Variants in SLC13A1 observed in about 807,000 individuals in gnomAD.
The protein encoded by SLC13A1 is Na(+)/sulfate cotransporter.
In SLC13A1, 65 loss-of-function variants were observed where a neutral mutation model predicts 70.0. That is an observed-to-expected ratio of 0.93 (90% CI 0.76 to 1.14). SLC13A1 has a LOEUF of 1.14. SLC13A1 is among the 50% of genes most tolerant of loss of function. The probability of loss-of-function intolerance (pLI) is 0.00; values close to 1 mark genes in which losing one functional copy is unlikely to be tolerated. For missense variants in SLC13A1, 726 were observed against 717.8 expected, an observed-to-expected ratio of 1.01 and a Z score of -0.13; for synonymous variants, 275 against 250.5, an observed-to-expected ratio of 1.10 and a Z score of -0.92.
At chr7:123,196,117 T>C (rs1341451976) in intron 1 of SLC13A1, among the ~76,000 whole-genome samples, 5 of 152,108 alleles carry the variant, frequency 3.3e-5, no homozygotes, top group African/African-American at 1.2e-4. Context: ...TATGTCAGTA[T>C]ATACTAGGCC....
chr7:123,193,758 A>G (rs924307748), intron 1 of SLC13A1, among the ~76,000 whole-genome samples: 4 of 152,130 alleles, frequency 2.6e-5, no homozygotes, highest in Non-Finnish European at 5.9e-5. Flanking sequence ...ACTATTTCTA[A>G]TTGTCGCTAT....
chr7:123,164,147 GC>G (rs1795000780), intron 6 of SLC13A1, among the ~76,000 whole-genome samples: 1 of 152,056 alleles, frequency 6.6e-6, no homozygotes, highest in Admixed American at 6.6e-5. Flanking sequence ...TATGGTGGCT[GC>G]AGTGAAATAG....
chr7:123,161,338 T>A (rs980429897), intron 6 of SLC13A1, among the ~76,000 whole-genome samples: 13 of 151,632 alleles, frequency 8.6e-5, no homozygotes, highest in Non-Finnish European at 1.5e-4. Flanking sequence ...TAAAGACATA[T>A]AACTATAAAT....
Position 123,171,912 on chromosome 7 carries a change from A to T in SLC13A1, c.229-8T>A, listed in dbSNP as rs1795288712. ...GAAATAAGCAGATGCCACCTGAAAT[A>T]ACAATTAAACCCGTGATTATTTACT... is the stretch of plus-strand genomic sequence containing the variant. On this transcript the variant is annotated splice_region_variant and splice_polypyrimidine_tract_variant and intron_variant, in intron 2 of 14. Coordinates refer to ENST00000194130, the MANE Select transcript of SLC13A1 (RefSeq NM_022444.4). 6.2e-7 allele frequency: 1 copy of T among 1,611,038 alleles called. No individual in the cohort carries two copies. The highest frequency in any genetic ancestry group is 8.5e-7 in the Non-Finnish European group (1 of 1,178,508).
chr7:123,152,273 A>G (rs994113317), intron 6 of SLC13A1, among the ~76,000 whole-genome samples: 1 of 152,098 alleles, frequency 6.6e-6, no homozygotes, highest in Non-Finnish European at 1.5e-5. Flanking sequence ...AGTTGTTCCC[A>G]TATCTTGGCT....
chr7:123,144,085 A>G (rs2116397207), intron 7 of SLC13A1, among the ~76,000 whole-genome samples: 1 of 152,268 alleles, frequency 6.6e-6, no homozygotes, highest in East Asian at 1.9e-4. Flanking sequence ...GTGAAGTCTG[A>G]GGGGAGGTTG....
intron 2 of SLC13A1, among the ~76,000 whole-genome samples, chr7:123,173,797 T>C (rs562157484): frequency 6.6e-6 from 1 of 152,112 alleles, no homozygotes; most frequent in Non-Finnish European, 1.5e-5. Flanking sequence ...GTAAATAGAA[T>C]TGAAAGAATG....
At chr7:123,161,334 CAT>C (rs1794889626) in intron 6 of SLC13A1, among the ~76,000 whole-genome samples, 1 of 151,246 alleles carries the variant, frequency 6.6e-6, no homozygotes, top group Non-Finnish European at 1.5e-5. Context: ...GAAATAAAGA[CAT>C]ATAACTATAA....
Position 123,130,185 on chromosome 7 carries a change from A to G in SLC13A1, c.933-704T>C, listed in dbSNP as rs1287486605. 3.9e-5 allele frequency among the ~76,000 whole-genome samples: 6 copies of G among 152,248 alleles called. No homozygotes were observed. In the South Asian group the frequency reaches 1.2e-3, roughly 32 times the overall value. Reference sequence around the variant, plus strand: ...GAAGTAAAATAAACTCACCATAAATACCATTTGACCCAGCAATCCCATTAC... The same window carrying G: ...GAAGTAAAATAAACTCACCATAAATGCCATTTGACCCAGCAATCCCATTAC... On this transcript the variant is annotated intron_variant, in intron 8 of 14. Transcript: ENST00000194130.
chr7:123,175,610 C>A (rs182168791), intron 2 of SLC13A1, among the ~76,000 whole-genome samples: 1 of 152,112 alleles, frequency 6.6e-6, no homozygotes, highest in Non-Finnish European at 1.5e-5. Context: ...ATGGAGCAGA[C>A]AGCAAGCCCT....
At chr7:123,165,967 G>C (rs978323611) in intron 6 of SLC13A1, among the ~76,000 whole-genome samples, 1 of 151,994 alleles carries the variant, frequency 6.6e-6, no homozygotes, top group Non-Finnish European at 1.5e-5. Context: ...ACACATTCTT[G>C]CACTCATGAG....
rs201920899 is a variant in SLC13A1 at position 123,171,905 on chromosome 7, C to A, written c.229-1G>T. ...AATCCTTGAAATAAGCAGATGCCACCTGAAATAACAATTAAACCCGTGATT... is the reference window on the plus strand; with the variant it reads ...AATCCTTGAAATAAGCAGATGCCACATGAAATAACAATTAAACCCGTGATT... On this transcript the variant is annotated splice_acceptor_variant, in intron 2 of 14. Coordinates refer to ENST00000194130, the MANE Select transcript of SLC13A1 (RefSeq NM_022444.4). LOFTEE classifies it high-confidence loss of function. The A allele has an allele frequency of 6.2e-7, 1 of 1,611,196 alleles. No individual in the cohort carries two copies. Among genetic ancestry groups the A allele is most frequent in the Non-Finnish European group, 8.5e-7 (1 of 1,178,774 alleles).
chr7:123,191,842 A>G (rs1796007011), intron 1 of SLC13A1, among the ~76,000 whole-genome samples: 1 of 152,160 alleles, frequency 6.6e-6, no homozygotes, highest in African/African-American at 2.4e-5. Context: ...CAGAGTATAT[A>G]TTTTTAAAAT....
intron 6 of SLC13A1, among the ~76,000 whole-genome samples, chr7:123,160,683 T>C (rs1480586733): frequency 6.6e-6 from 1 of 152,182 alleles, no homozygotes; most frequent in Non-Finnish European, 1.5e-5. Flanking sequence ...TATAGCTGAC[T>C]ATGTGCTAGT....
chr7:123,187,482 A>C (rs1777847777), intron 1 of SLC13A1, among the ~76,000 whole-genome samples: 1 of 152,198 alleles, frequency 6.6e-6, no homozygotes, highest in East Asian at 1.9e-4. Flanking sequence ...AAACAAATAA[A>C]ACATTCCATA....
At chr7:123,134,083 T>G (rs1050487470) in intron 8 of SLC13A1, among the ~76,000 whole-genome samples, 3 of 152,020 alleles carry the variant, frequency 2.0e-5, no homozygotes, top group African/African-American at 7.2e-5. Context: ...GACAGAGTTT[T>G]GCCATATTGT....
intron 2 of SLC13A1, among the ~76,000 whole-genome samples, chr7:123,172,235 T>C (rs1204230138): frequency 6.6e-6 from 1 of 152,196 alleles, no homozygotes. Flanking sequence ...ACGTTTTCAA[T>C]CAAGCTCCAA....
chr7:123,157,205 T>G (rs532271599), intron 6 of SLC13A1, among the ~76,000 whole-genome samples: 2 of 152,164 alleles, frequency 1.3e-5, no homozygotes, highest in Admixed American at 6.6e-5. Flanking sequence ...ACAGCTAGTA[T>G]GAACTCTTCA....
intron 14 of SLC13A1, 115 bp from the exon 15 acceptor site, chr7:123,115,770 A>C (rs1793160950): frequency 7.4e-6 from 8 of 1,073,898 alleles, no homozygotes; most frequent in Middle Eastern, 4.2e-4. Flanking sequence ...GATTAGTATA[A>C]ATTGTCATTT....
Sources: allele counts gnomAD v4.1 joint callset (sites outside exome capture counted in the v4.1 genomes callset), GRCh38; gene constraint gnomAD v4.1.1; transcripts MANE v1.5; gene names NCBI Gene and HGNC (gene_info 2026-07-23, HGNC 2026-07-21).